C1orf159: variants seen among roughly 807,000 people sequenced by gnomAD.
C1orf159 encodes the protein uncharacterized protein C1orf159.
C1orf159 carries 19 observed loss-of-function variants against 25.6 expected under a neutral mutation model. The observed-to-expected ratio is 0.74, with a 90% CI of 0.52 to 1.09. The LOEUF is 1.09. Among genes scored for constraint, C1orf159 ranks in the 50% least tolerant of loss-of-function variants. The pLI is 0.00. For missense variants in C1orf159, 274 were observed against 290.6 expected, an observed-to-expected ratio of 0.94 and a Z score of 0.42; for synonymous variants, 139 against 124.7, an observed-to-expected ratio of 1.12 and a Z score of -0.77.
At chr1:1,109,669 G>A (rs1365192532) in intron 1 of C1orf159, among the ~76,000 whole-genome samples, 1 of 151,950 alleles carries the variant, frequency 6.6e-6, no homozygotes, top group Non-Finnish European at 1.5e-5. Flanking sequence ...GTGTCTTGCT[G>A]TGTTTCGCAG....
chr1:1,087,376 C>A lies in C1orf159; in HGVS notation c.244+126G>T. On this transcript the variant is annotated intron_variant, in intron 5 of 9. Coordinates refer to ENST00000421241, the MANE Select transcript of C1orf159 (RefSeq NM_017891.5). The surrounding 1 kb of genome is among the most constrained non-coding windows in gnomAD (Gnocchi z 8.3). ...GCCCAGCAGACTCGGGAAGAGGGGG[C>A]TCCCGGGGCTGTTCCCCAGTGGACA... 1 of 1,170,722 alleles carries A rather than the reference C, an allele frequency of 8.5e-7. No individual in the cohort carries two copies. The allele number at this position is 1,170,722 out of a possible 1,614,324, so 72.5% of individuals were successfully genotyped here. A position where few individuals can be genotyped will look rare whatever the true frequency, so the allele number is the denominator to read the frequency against.
chr1:1,084,507 C>T lies in C1orf159; in HGVS notation c.446-1G>A. On this transcript the variant is annotated splice_acceptor_variant, in intron 7 of 9. Coordinates refer to ENST00000421241, the MANE Select transcript of C1orf159 (RefSeq NM_017891.5). LOFTEE classifies it high-confidence loss of function. ...GCTTCGCCAGGCTGCAGGGCCGGAGCTGTGGGGGAGAAAGCGGAGAGTCAC... is the reference window on the plus strand; with the variant it reads ...GCTTCGCCAGGCTGCAGGGCCGGAGTTGTGGGGGAGAAAGCGGAGAGTCAC... 6.4e-7 allele frequency: 1 copy of T among 1,553,832 alleles called. No individual in the cohort carries two copies. The highest frequency in any genetic ancestry group is 8.7e-7 in the Non-Finnish European group (1 of 1,148,994).
At position 1,110,978 on chromosome 1, in the gene C1orf159, C is replaced by G; in HGVS notation, c.-136+5082G>C. ...AGCCTGCGAGGCAATCTCCATGGAT[C>G]ACAGGCAGATTCTACATCACGACAG... On this transcript the variant is annotated intron_variant, in intron 1 of 9. Coordinates refer to ENST00000421241, the MANE Select transcript of C1orf159 (RefSeq NM_017891.5). The surrounding 1 kb of genome is among the most constrained non-coding windows in gnomAD (Gnocchi z 4.8). Among the ~76,000 whole-genome samples the G allele has an allele frequency of 6.6e-6, 1 of 152,238 alleles. No homozygotes were observed. Among genetic ancestry groups the G allele is most frequent in the East Asian group, 1.9e-4 (1 of 5,198 alleles).
At chr1:1,085,216 C>A in intron 7 of C1orf159, 2 of 394,784 alleles carry the variant, frequency 5.1e-6, no homozygotes, top group South Asian at 1.8e-5. Context: ...GGAGGAGGCC[C>A]CAGCTCGGCT....
intron 4 of C1orf159, 116 bp downstream of exon 4, chr1:1,090,237 C>T: frequency 2.8e-6 from 3 of 1,076,184 alleles, no homozygotes; most frequent in Admixed American, 2.1e-5. Context: ...CATCCACTCC[C>T]CAGGTCCCGC....
At chr1:1,084,535 T>A (rs1645798767) in intron 7 of C1orf159, 29 bp from the exon 8 acceptor site, 2 of 1,549,664 alleles carry the variant, frequency 1.3e-6, no homozygotes, top group African/African-American at 1.4e-5. Flanking sequence ...AGAGTCACCC[T>A]GGAGCCCAGG....
chr1:1,085,306 C>T (rs1240756524), intron 7 of C1orf159: 2 of 418,222 alleles, frequency 4.8e-6, no homozygotes, highest in South Asian at 1.7e-5. Context: ...CTGCGGGGGC[C>T]GGCCCTGGAC....
intron 4 of C1orf159, 101 bp downstream of exon 4, chr1:1,090,252 C>T: frequency 1.6e-6 from 2 of 1,215,556 alleles, no homozygotes; most frequent in South Asian, 1.3e-5. Flanking sequence ...TCCCGCAGCA[C>T]AGATGAGCAC....
At chr1:1,085,228 T>C (rs976638459) in intron 7 of C1orf159, 2 of 411,982 alleles carry the variant, frequency 4.9e-6, no homozygotes, top group Non-Finnish European at 9.9e-6. Context: ...AGCTCGGCTA[T>C]CACAGTCTGG....
At chr1:1,106,358 GAAAT>G (rs750166713) in intron 1 of C1orf159, among the ~76,000 whole-genome samples, 1 of 152,136 alleles carries the variant, frequency 6.6e-6, no homozygotes, top group East Asian at 1.9e-4. Context: ...CAAAAAAACA[GAAAT>G]AAATGTTGGC....
chr1:1,084,530 C>G, intron 7 of C1orf159, 24 bp from the exon 8 acceptor site: 1 of 1,550,250 alleles, frequency 6.5e-7, no homozygotes, highest in East Asian at 2.4e-5. Flanking sequence ...AGCGGAGAGT[C>G]ACCCTGGAGC....
intron 6 of C1orf159, 64 bp from the exon 7 acceptor site, chr1:1,086,076 G>C (rs1048019165): frequency 1.3e-6 from 2 of 1,579,068 alleles, no homozygotes; most frequent in South Asian, 1.1e-5. Context: ...CCTGGCCCCC[G>C]GTGCCCCCTG....
intron 7 of C1orf159, chr1:1,085,390 C>T: frequency 3.1e-6 from 1 of 326,222 alleles, no homozygotes; most frequent in South Asian, 2.3e-5. Context: ...AAGGCCGTCT[C>T]TCCAGTGGGA....
At position 1,107,816 on chromosome 1, in the gene C1orf159, G is replaced by A. The variant is rs555600442; in HGVS notation, c.-136+8244C>T. On this transcript the variant is annotated intron_variant, in intron 1 of 9. Transcript: ENST00000421241. ...AATCTTGCTGCTGCTCACTCTTTGG[G>A]TCTGCACTGCCTTTATGAGCTGTAA... Among the ~76,000 whole-genome samples the A allele has an allele frequency of 3.3e-5, 5 of 152,210 alleles. 1 individual carries two copies. The East Asian group carries it at 9.6e-4, about 29-fold the overall frequency.
In C1orf159 at chr1:1,089,953, C is replaced by T. The variant is rs567467647; in HGVS notation, c.148+400G>A. On this transcript the variant is annotated intron_variant, in intron 4 of 9. Transcript: ENST00000421241. The surrounding 1 kb of genome is among the most constrained non-coding windows in gnomAD (Gnocchi z 7.5). ...CTGTTGATTGGCATTCCACTCCACG[C>T]ACCAGGGGCCAGCAGCACCTCTGCC... Among the ~76,000 whole-genome samples, 2 of 152,232 alleles carry T rather than the reference C, an allele frequency of 1.3e-5. No homozygotes were observed. The highest frequency in any genetic ancestry group is 4.8e-5 in the African/African-American group (2 of 41,462).
At chr1:1,115,251 T>C (rs1203514891) in intron 1 of C1orf159, among the ~76,000 whole-genome samples, 1 of 148,694 alleles carries the variant, frequency 6.7e-6, no homozygotes, top group Non-Finnish European at 1.5e-5. Context: ...CCAAACTCAA[T>C]CATCGACTCG....
rs1645851673 is a variant in C1orf159 at position 1,087,563 on chromosome 1, G to A, written c.183C>T (p.Ala61=). 1 of 1,548,908 alleles carries A rather than the reference G, an allele frequency of 6.5e-7. No homozygotes were observed. Among genetic ancestry groups the A allele is most frequent in the Non-Finnish European group, 8.7e-7 (1 of 1,146,610 alleles). Residue 61 remains alanine (A), a synonymous_variant, in exon 5 of 10, where the codon GCC becomes GCT. Coordinates refer to ENST00000421241, the MANE Select transcript of C1orf159 (RefSeq NM_017891.5). This position sits in a 1 kb window ranked among gnomAD's most constrained non-coding sequence, Gnocchi z 8.3. The part of the protein sequence containing the change: ...CYRRWNADGS[A]SCVRCGNGTL... ...TTCCGTTCCCACAGCGGACGCAGCT[G>A]GCGCTCCCGTCCGCGTTCCAGCGCC...
intron 1 of C1orf159, among the ~76,000 whole-genome samples, chr1:1,104,349 GCCCTCA>G (rs1032570583): frequency 1.3e-5 from 2 of 152,218 alleles, no homozygotes; most frequent in African/African-American, 2.4e-5. Flanking sequence ...GACTGTGGCT[GCCCTCA>G]GGGCAAAGAT....
At chr1:1,083,906 G>GTTAAA (rs1328308210) in intron 9 of C1orf159, 3 of 1,566,806 alleles carry the variant, frequency 1.9e-6, no homozygotes, top group Non-Finnish European at 2.6e-6. Context: ...ACATAAAATG[G>GTTAAA]GTCCTAACCG....
Sources: allele counts gnomAD v4.1 joint callset (sites outside exome capture counted in the v4.1 genomes callset), GRCh38; gene constraint gnomAD v4.1.1; non-coding constraint Gnocchi (gnomAD v3.1); transcripts MANE v1.5; gene names NCBI Gene and HGNC (gene_info 2026-07-23, HGNC 2026-07-21).